Variants in GTF2I observed in about 807,000 individuals in gnomAD.
GTF2I encodes the protein general transcription factor IIi, also known as general transcription factor II-I.
In GTF2I, 12 loss-of-function variants were observed where a neutral mutation model predicts 67.6. The ratio of observed to expected loss-of-function variants is 0.18; its 90% confidence interval spans 0.11 to 0.29. GTF2I has a LOEUF of 0.29. GTF2I is among the 10% of genes least tolerant of loss of function. The pLI is 1.00. For missense variants in GTF2I, 271 were observed against 580.1 expected (o/e 0.47, Z 5.47); for synonymous variants, 149 against 197.0 (o/e 0.76, Z 2.04).
intron 9 of GTF2I, among the ~76,000 whole-genome samples, chr7:74,714,650 A>G (rs1434922913): frequency 2.0e-5 from 3 of 152,056 alleles, no homozygotes; most frequent in Admixed American, 6.6e-5. Context: ...GACTGTTTAC[A>G]TATGAATTCA....
chr7:74,721,663 C>T (rs1793020880), intron 12 of GTF2I, among the ~76,000 whole-genome samples: 1 of 152,092 alleles, frequency 6.6e-6, no homozygotes, highest in East Asian at 1.9e-4. Context: ...TACATGCACA[C>T]CTCTGGTTAA....
chr7:74,691,208 C>CTTTTTTTTTTTT (rs368243097), intron 3 of GTF2I, 97 bp downstream of exon 3: 3 of 659,940 alleles, frequency 4.5e-6, no homozygotes, highest in Admixed American at 3.4e-5. Flanking sequence ...TTCTTTCTTT[C>CTTTTTTTTTTTT]TTTTTTTTTT....
intron 6 of GTF2I, among the ~76,000 whole-genome samples, chr7:74,703,945 GTCTTTTGACTCTTTGTTTATT>G (rs1395099947): frequency 6.6e-6 from 1 of 152,184 alleles, no homozygotes; most frequent in Non-Finnish European, 1.5e-5. Context: ...TTTGTTGAAA[GTCTTTTGACTCTTTGTTTATT>G]TCTGGGCTTT....
chr7:74,695,590 C>T (rs1040915280), intron 3 of GTF2I, among the ~76,000 whole-genome samples: 5 of 152,166 alleles, frequency 3.3e-5, no homozygotes, highest in Non-Finnish European at 5.9e-5. Context: ...TGTTAATTCA[C>T]GAATTTTAAT....
intron 1 of GTF2I, among the ~76,000 whole-genome samples, chr7:74,675,418 C>T (rs905493625): frequency 6.6e-6 from 1 of 151,748 alleles, no homozygotes; most frequent in Non-Finnish European, 1.5e-5. Context: ...CCATGTTCTC[C>T]TTTTTTTTAA....
At chr7:74,672,986 T>C (rs923678940) in intron 1 of GTF2I, among the ~76,000 whole-genome samples, 1 of 151,742 alleles carries the variant, frequency 6.6e-6, no homozygotes, top group African/African-American at 2.4e-5. Flanking sequence ...TCAGCCTCCC[T>C]AGTAGCTGGG....
intron 3 of GTF2I, among the ~76,000 whole-genome samples, chr7:74,692,861 C>T (rs587770264): frequency 1.4e-4 from 21 of 152,070 alleles, no homozygotes; most frequent in Non-Finnish European, 2.4e-4. Context: ...CTCTTGGGTT[C>T]AAGTGATTCT....
intron 8 of GTF2I, among the ~76,000 whole-genome samples, chr7:74,709,317 C>T (rs934031387): frequency 2.0e-5 from 3 of 152,098 alleles, no homozygotes; most frequent in South Asian, 2.1e-4. Context: ...CGTGCGATCT[C>T]GGCTCACCAC....
At chr7:74,658,243 T>TACCCCC (rs1324507025) in intron 1 of GTF2I, among the ~76,000 whole-genome samples, 175 bp downstream of exon 1, 13 of 148,060 alleles carry the variant, frequency 8.8e-5, no homozygotes, top group Non-Finnish European at 1.8e-4. Flanking sequence ...CGCCTCCCCC[T>TACCCCC]ACCCCCACCC....
At chr7:74,714,199 A>C (rs1791972273) in intron 9 of GTF2I, among the ~76,000 whole-genome samples, 1 of 152,164 alleles carries the variant, frequency 6.6e-6, no homozygotes, top group Non-Finnish European at 1.5e-5. Flanking sequence ...TGATGATAAC[A>C]TGTAAATGTG....
At chr7:74,659,428 G>T in intron 1 of GTF2I, among the ~76,000 whole-genome samples, 1 of 150,920 alleles carries the variant, frequency 6.6e-6, no homozygotes, top group East Asian at 1.9e-4. Context: ...CTCACTCTGT[G>T]GCCCAGGCTG....
At chr7:74,721,489 G>T (rs1282672086) in intron 12 of GTF2I, among the ~76,000 whole-genome samples, 1 of 152,008 alleles carries the variant, frequency 6.6e-6, no homozygotes, top group African/African-American at 2.4e-5. Flanking sequence ...CTTTTAAAAG[G>T]TAGCATTTTC....
intron 12 of GTF2I, among the ~76,000 whole-genome samples, chr7:74,719,987 TTC>T (rs1792733662): frequency 6.6e-6 from 1 of 152,318 alleles, no homozygotes; most frequent in South Asian, 2.1e-4. Flanking sequence ...CTGAAAGTAC[TTC>T]TTTCTTGTGG....
chr7:74,693,048 CA>C (rs1219228655), intron 3 of GTF2I, among the ~76,000 whole-genome samples: 3 of 152,110 alleles, frequency 2.0e-5, no homozygotes, highest in Non-Finnish European at 4.4e-5. Context: ...AGGCATGAGC[CA>C]CTGTGCCCGA....
At position 74,699,036 on chromosome 7, in the gene GTF2I, A is replaced by T; in HGVS notation, c.314A>T (p.Asp105Val). 6.4e-7 allele frequency: 1 copy of T among 1,558,508 alleles called. No homozygotes were observed. The highest frequency in any genetic ancestry group is 8.7e-7 in the Non-Finnish European group (1 of 1,148,132). Residue 105 changes from aspartate to valine, a missense_variant, in exon 4 of 35, where the codon GAT becomes GTT. Asp to Val is a radical substitution (Grantham distance 152). Around this residue, in one of 9 missense-constraint regions of GTF2I, gnomAD observed 72 missense variants for 87.4 expected, o/e 0.82. Coordinates refer to ENST00000573035, the MANE Select transcript of GTF2I (RefSeq NM_032999.4). ...ACCCAGGCAAATCGGATGAGTGTAG[A>T]TGCTGTAGAAATTGAAACACTCAGA... The part of the protein sequence containing the change: ...STTQANRMSV[D>V]AVEIETLRKT...
At chr7:74,702,162 C>A (rs781900437) in intron 6 of GTF2I, among the ~76,000 whole-genome samples, 6 of 151,748 alleles carry the variant, frequency 4.0e-5, no homozygotes, top group Non-Finnish European at 8.8e-5. Flanking sequence ...GGACATATTC[C>A]TTGATATCTC....
intron 11 of GTF2I, among the ~76,000 whole-genome samples, chr7:74,718,275 G>A (rs192191649): frequency 2.0e-5 from 3 of 152,292 alleles, no homozygotes; most frequent in Admixed American, 6.5e-5. Flanking sequence ...CAATGAAAGA[G>A]AACTAATGAA....
At chr7:74,661,551 C>G (rs1479996694) in intron 1 of GTF2I, among the ~76,000 whole-genome samples, 1 of 151,816 alleles carries the variant, frequency 6.6e-6, no homozygotes, top group East Asian at 1.9e-4. Flanking sequence ...TGGTGGCGTG[C>G]GTACGTAGTT....
intron 23 of GTF2I, among the ~76,000 whole-genome samples, chr7:74,747,327 T>TA (rs1554409284): frequency 1.3e-5 from 1 of 75,550 alleles, no homozygotes; most frequent in African/African-American, 3.3e-5. Flanking sequence ...ATGGACAACT[T>TA]ACACCTGATT....
Sources: gnomAD v4.1 joint callset for allele counts (sites outside exome capture counted in the v4.1 genomes callset) on GRCh38, gnomAD v4.1.1 for gene constraint, gnomAD v4.1.1 regional missense constraint, MANE v1.5 for transcripts, NCBI Gene and HGNC (gene_info 2026-07-23, HGNC 2026-07-21) for gene names.